The following NPC1 variants were observed in gnomAD, a reference collection of about 807,000 sequenced individuals.
The protein encoded by NPC1 is NPC intracellular cholesterol transporter 1.
In NPC1, 85 loss-of-function variants were observed where a neutral mutation model predicts 140.4. The ratio of observed to expected loss-of-function variants is 0.61; its 90% CI spans 0.51 to 0.72. The LOEUF (loss-of-function observed/expected upper bound fraction) is 0.72, where lower values mean the gene tolerates loss of function less well. Among genes scored for constraint, NPC1 ranks in the 30% least tolerant of loss-of-function variants. The probability of loss-of-function intolerance (pLI) is 0.00; values close to 1 mark genes in which losing one functional copy is unlikely to be tolerated. For synonymous variants in NPC1, 656 were observed against 624.8 expected (o/e 1.05, Z -0.74); for missense variants, 1,504 against 1,623.8 (o/e 0.93, Z 1.27).
intron 4 of NPC1, among the ~76,000 whole-genome samples, chr18:23,564,776 TTTA>T (rs1316016309): frequency 3.9e-5 from 6 of 152,310 alleles, no homozygotes; most frequent in African/African-American, 7.2e-5. Flanking sequence ...ATCCCTATGT[TTTA>T]TTGTTTTATA....
At position 23,537,870 on chromosome 18, in the gene NPC1, T is replaced by C. The variant is rs114427429; in HGVS notation, c.3041+672A>G. On this transcript the variant is annotated intron_variant, in intron 20 of 24. Transcript: ENST00000269228. ...CAAAGCACATGCATGATATAAATGATTCACTGATATGACTCTGGTCAGATG... is the reference window on the plus strand; with the variant it reads ...CAAAGCACATGCATGATATAAATGACTCACTGATATGACTCTGGTCAGATG... Among the ~76,000 whole-genome samples, 709 of 152,280 alleles carry C rather than the reference T, an allele frequency of 4.7e-3. 4 individuals are homozygous for C. Among genetic ancestry groups the C allele is most frequent in the African/African-American group, 0.016 (677 of 41,550 alleles).
chr18:23,545,289 C>A (rs1276084968), intron 11 of NPC1, 140 bp from the exon 12 acceptor site: 1 of 681,750 alleles, frequency 1.5e-6, no homozygotes, highest in South Asian at 1.7e-5. Context: ...GTCGCCCAGG[C>A]TGAAGTGCAA....
chr18:23,515,191 T>C (rs1006771452), intron 3 of NPC1, among the ~76,000 whole-genome samples: 4 of 152,114 alleles, frequency 2.6e-5, no homozygotes, highest in Admixed American at 2.6e-4. Context: ...TGCTCTTAGG[T>C]GTATCCATGT....
intron 10 of NPC1, among the ~76,000 whole-genome samples, chr18:23,549,523 C>A (rs1279578250): frequency 6.6e-6 from 1 of 151,966 alleles, no homozygotes; most frequent in Non-Finnish European, 1.5e-5. Context: ...CCTGTAATCC[C>A]AGCTACTCAG....
chr18:23,538,954 G>A (rs992800244), intron 19 of NPC1: 3 of 477,400 alleles, frequency 6.3e-6, no homozygotes, highest in Admixed American at 6.9e-5. Context: ...GTCAGAGCCC[G>A]GGGCTTCTAT....
chr18:23,574,631 G>T (rs1314573891), intron 1 of NPC1, among the ~76,000 whole-genome samples: 1 of 152,182 alleles, frequency 6.6e-6, no homozygotes, highest in South Asian at 2.1e-4. Flanking sequence ...ATTGGGATTT[G>T]TATGTGTGGG....
chr18:23,507,096 A>G (rs1389815628), intron 3 of NPC1: 4 of 1,370,872 alleles, frequency 2.9e-6, no homozygotes, highest in East Asian at 2.3e-5. Context: ...GGGCATTAGA[A>G]ATACATTTGG....
rs1174047031 is a variant in NPC1 at position 23,541,057 on chromosome 18, T to G, written c.2514+11A>C. 1 of 1,614,116 alleles carries G rather than the reference T, an allele frequency of 6.2e-7. No individual in the cohort carries two copies. The highest frequency in any genetic ancestry group is 2.2e-5 in the East Asian group (1 of 44,886). ...TGAGAGGAAAGAGAAAAACCACAGA[T>G]AAGCGCATACCACAATTGGTCTCAT... On this transcript the variant is annotated intron_variant, in intron 16 of 24. Coordinates refer to ENST00000269228, the MANE Select transcript of NPC1 (RefSeq NM_000271.5).
rs775373435 is a variant in NPC1, at chr18:23,540,457, C to T, written c.2595G>A (p.Ser865=). The change falls in exon 17 of 25, where the codon TCG becomes TCA. Residue 865 remains serine (S), a synonymous_variant. Transcript: ENST00000269228. The part of the protein sequence containing the change: ...KVDIGLDQSL[S]MPDDSYMVDY... Reference sequence around the variant, plus strand: ...AAGGAAGTCATCTTACATCTGGCATCGAAAGAGACTGATCCAATCCAATAT... The same window carrying T: ...AAGGAAGTCATCTTACATCTGGCATTGAAAGAGACTGATCCAATCCAATAT... 1.6e-5 allele frequency: 25 copies of T among 1,599,166 alleles called. No individual in the cohort carries two copies. The highest frequency in any genetic ancestry group is 2.2e-5 in the South Asian group (2 of 90,448).
At chr18:23,534,221 T>C (rs2058589534) in intron 23 of NPC1, 4 of 610,934 alleles carry the variant, frequency 6.5e-6, no homozygotes, top group Non-Finnish European at 1.2e-5. Context: ...TTGTCTGTTA[T>C]TTTCCTGCTT....
At chr18:23,525,910 G>C (rs559505843), downstream of NPC1, among the ~76,000 whole-genome samples, 1 of 152,356 alleles carries the variant, frequency 6.6e-6, no homozygotes, top group South Asian at 2.1e-4. Context: ...GGCATCCACT[G>C]TATGTAATGC....
downstream of NPC1, among the ~76,000 whole-genome samples, chr18:23,525,971 G>C (rs1206889497): frequency 6.6e-6 from 1 of 152,202 alleles, no homozygotes; most frequent in Non-Finnish European, 1.5e-5. Context: ...TCCACTGTAT[G>C]TATGTAATGA....
chr18:23,549,758 T>TTTTTTTTTTTTTTTTTTTTA, intron 10 of NPC1, among the ~76,000 whole-genome samples: 2 of 151,554 alleles, frequency 1.3e-5, no homozygotes, highest in African/African-American at 4.8e-5. Context: ...TTTTTTTTTT[T>TTTTTTTTTTTTTTTTTTTTA]AAGACGGAGT....
intron 1 of NPC1, among the ~76,000 whole-genome samples, chr18:23,580,925 A>C (rs2145584047): frequency 6.6e-6 from 1 of 152,346 alleles, no homozygotes; most frequent in Admixed American, 6.5e-5. Flanking sequence ...AGTGTTTTAT[A>C]GCCAACCTGG....
intron 3 of NPC1, among the ~76,000 whole-genome samples, chr18:23,507,353 A>G (rs1171665442): frequency 1.3e-5 from 2 of 152,182 alleles, no homozygotes; most frequent in Non-Finnish European, 2.9e-5. Context: ...TCGATCTCTC[A>G]GGCTCAAGTG....
At position 23,511,559 on chromosome 18, in the gene NPC1, G is replaced by C. The variant is rs375683099; in HGVS notation, c.432-4917C>G. Reference sequence around the variant, plus strand: ...TATAATCCCGATAAATAATTATTATGAACAGTTTGGTGCATATTCCTCTAT... The same window carrying C: ...TATAATCCCGATAAATAATTATTATCAACAGTTTGGTGCATATTCCTCTAT... On this transcript the variant is annotated intron_variant, in intron 3 of 3. Transcript: ENST00000591107. Among the ~76,000 whole-genome samples the C allele has an allele frequency of 3.0e-4, 46 of 151,992 alleles. No individual in the cohort carries two copies. In the East Asian group the frequency reaches 6.6e-3, roughly 22 times the overall value.
chr18:23,556,208 T>A, intron 8 of NPC1, 35 bp downstream of exon 8: 1 of 1,599,786 alleles, frequency 6.3e-7, no homozygotes. Context: ...CACAAGGTCA[T>A]CTAGAGTGAC....
chr18:23,543,783 G>A (rs953792425), intron 13 of NPC1, among the ~76,000 whole-genome samples: 3 of 152,162 alleles, frequency 2.0e-5, no homozygotes, highest in African/African-American at 7.2e-5. Context: ...TAAAGGGAAA[G>A]CTGAGCCAGC....
chr18:23,526,654 C>T, downstream of NPC1: 1 of 1,614,056 alleles, frequency 6.2e-7, no homozygotes, highest in Non-Finnish European at 8.5e-7. Flanking sequence ...CTGGAACCTC[C>T]AAGTGAAACT....
Sources: gnomAD v4.1 joint callset for allele counts (sites outside exome capture counted in the v4.1 genomes callset) on GRCh38, gnomAD v4.1.1 for gene constraint, MANE v1.5 for transcripts, NCBI Gene and HGNC (gene_info 2026-07-23, HGNC 2026-07-21) for gene names.